TRIM71: variants seen among roughly 807,000 people sequenced by gnomAD.
TRIM71 encodes the protein tripartite motif containing 71, also known as E3 ubiquitin-protein ligase TRIM71.
A neutral mutation model predicts 61.2 loss-of-function variants in TRIM71; 9 were observed. The observed-to-expected ratio is 0.15, with a 90% CI of 0.09 to 0.26. The LOEUF (loss-of-function observed/expected upper bound fraction) is 0.26, where lower values mean the gene tolerates loss of function less well. Ranked by LOEUF, TRIM71 falls within the 10% of genes least tolerant of loss-of-function variation. TRIM71 has a pLI of 1.00. For missense variants in TRIM71, 998 were observed against 1,238.7 expected (o/e 0.81, Z 2.92); for synonymous variants, 645 against 553.2 (o/e 1.17, Z -2.33).
At position 32,877,544 on chromosome 3, in the gene TRIM71, T is replaced by C. The variant is rs374634300; in HGVS notation, c.1020+3559T>C. Among the ~76,000 whole-genome samples the C allele has an allele frequency of 8.0e-4, 121 of 152,138 alleles. 1 individual carries two copies. The highest frequency in any genetic ancestry group is 2.6e-3 in the African/African-American group (109 of 41,494). Reference sequence around the variant, plus strand: ...CTAATTTTTGTATTTTTTGTAGAGATGGGGCTCGCTTTGTTGTCTAGGCTG... The same window carrying C: ...CTAATTTTTGTATTTTTTGTAGAGACGGGGCTCGCTTTGTTGTCTAGGCTG... On this transcript the variant is annotated intron_variant, in intron 2 of 3. Transcript: ENST00000383763.
chr3:32,863,788 T>C (rs1696700560), intron 1 of TRIM71, among the ~76,000 whole-genome samples: 1 of 151,852 alleles, frequency 6.6e-6, no homozygotes, highest in Non-Finnish European at 1.5e-5. Context: ...TTCAAGCAAT[T>C]CTCCTGCCTC....
At chr3:32,840,832 G>C (rs978358262) in intron 1 of TRIM71, among the ~76,000 whole-genome samples, 1 of 152,192 alleles carries the variant, frequency 6.6e-6, no homozygotes, top group Non-Finnish European at 1.5e-5. Context: ...GCTCAGCTGG[G>C]GGTGCAAGGG....
intron 1 of TRIM71, among the ~76,000 whole-genome samples, chr3:32,833,634 T>TTTTATTTA (rs572371235): frequency 0.05 from 7,387 of 146,744 alleles, 231 homozygotes; most frequent in East Asian, 0.1. Flanking sequence ...GAGAATGCTT[T>TTTTATTTA]TTTATTTATT....
chr3:32,824,792 C>G (rs6771050), intron 1 of TRIM71, among the ~76,000 whole-genome samples: 59,127 of 151,876 alleles, frequency 0.39, 13,522 homozygotes, highest in East Asian at 0.6. Context: ...CTAGATAGTC[C>G]TTTTCTTTTC....
intron 2 of TRIM71, among the ~76,000 whole-genome samples, chr3:32,879,586 G>T (rs998441005): frequency 6.6e-6 from 1 of 151,596 alleles, no homozygotes; most frequent in Non-Finnish European, 1.5e-5. Flanking sequence ...AATTATCAAA[G>T]TGTGACACAG....
intron 1 of TRIM71, among the ~76,000 whole-genome samples, chr3:32,869,790 A>C (rs1334705823): frequency 6.6e-6 from 1 of 152,102 alleles, no homozygotes; most frequent in Non-Finnish European, 1.5e-5. Context: ...GACGTTCTGG[A>C]AGCTGGGGGC....
At chr3:32,865,702 CAAGT>C (rs1696725273) in intron 1 of TRIM71, among the ~76,000 whole-genome samples, 1 of 148,876 alleles carries the variant, frequency 6.7e-6, no homozygotes, top group Non-Finnish European at 1.5e-5. Context: ...ATCAAGTCAG[CAAGT>C]AAGCCCAGCC....
chr3:32,850,652 A>G (rs1419260348), intron 1 of TRIM71, among the ~76,000 whole-genome samples: 1 of 152,264 alleles, frequency 6.6e-6, no homozygotes, highest in Non-Finnish European at 1.5e-5. Flanking sequence ...CCTTTAAGGA[A>G]GACTAGCTTG....
At chr3:32,861,716 G>A (rs931434139) in intron 1 of TRIM71, among the ~76,000 whole-genome samples, 23 of 152,162 alleles carry the variant, frequency 1.5e-4, no homozygotes, top group Non-Finnish European at 2.9e-4. Context: ...AATGTCGGGG[G>A]GAAGATGAGG....
chr3:32,835,217 G>GT (rs1366242851), intron 1 of TRIM71, among the ~76,000 whole-genome samples: 1 of 152,334 alleles, frequency 6.6e-6, no homozygotes, highest in East Asian at 1.9e-4. Context: ...ACAAATCACA[G>GT]TTTTTGCATG....
intron 2 of TRIM71, among the ~76,000 whole-genome samples, chr3:32,878,673 A>G (rs1696875677): frequency 6.6e-6 from 1 of 152,262 alleles, no homozygotes; most frequent in Non-Finnish European, 1.5e-5. Context: ...CCATGCTACA[A>G]ACAGACATGC....
At position 32,818,911 on chromosome 3, in the gene TRIM71, C is replaced by A. The variant is rs1215973067; in HGVS notation, c.831C>A (p.Phe277Leu). 1 of 1,612,634 alleles carries A rather than the reference C, an allele frequency of 6.2e-7. No homozygotes were observed. Among genetic ancestry groups the A allele is most frequent in the Non-Finnish European group, 8.5e-7 (1 of 1,179,860 alleles). The change falls in exon 1 of 4, where the codon TTC becomes TTA. Residue 277 changes from phenylalanine to leucine, a missense_variant. By Grantham distance (22) the Phe-to-Leu change is conservative. Around this residue, in one of 5 missense-constraint regions of TRIM71, gnomAD observed 291 missense variants for 431.2 expected, o/e 0.67. Transcript: ENST00000383763. Reference sequence around the variant, plus strand: ...CAGTGTTTCCCGAGCGCCTCGGCTTCTGCCAGCACCACGACGACGAGGTGA... The same window carrying A: ...CAGTGTTTCCCGAGCGCCTCGGCTTATGCCAGCACCACGACGACGAGGTGA... Reference protein sequence around the residue: ...ILSVFPERLGFCQHHDDEVLH... With the variant: ...ILSVFPERLGLCQHHDDEVLH...
intron 2 of TRIM71, among the ~76,000 whole-genome samples, chr3:32,882,837 C>T (rs894681403): frequency 7.9e-5 from 12 of 152,108 alleles, no homozygotes; most frequent in Non-Finnish European, 1.5e-4. Context: ...CCACCGTACC[C>T]GGCCCCAATT....
chr3:32,829,351 A>G (rs920278838), intron 1 of TRIM71, among the ~76,000 whole-genome samples: 2 of 151,674 alleles, frequency 1.3e-5, no homozygotes, highest in Admixed American at 6.6e-5. Flanking sequence ...CACCCAACTA[A>G]TTTTGTATTT....
In TRIM71 at chr3:32,894,817, C is replaced by T. The variant is rs904610517; in HGVS notation, c.*3006C>T. The T allele has an allele frequency of 1.3e-5, 2 of 152,158 alleles. No homozygotes were observed. Among genetic ancestry groups the T allele is most frequent in the Non-Finnish European group, 2.9e-5 (2 of 68,024 alleles). The allele number at this position is 152,158 out of a possible 1,614,324, so 9.4% of individuals were successfully genotyped here. ...CTGTGTTTAAATGCATAATCTCCTG[C>T]CCGGGTAATGCCAGGTAGCCAGGAG... is the stretch of plus-strand genomic sequence containing the variant. On this transcript the variant is annotated 3_prime_UTR_variant, in exon 4 of 4. Coordinates refer to ENST00000383763, the MANE Select transcript of TRIM71 (RefSeq NM_001039111.3).
At chr3:32,844,820 A>C (rs755049682) in intron 1 of TRIM71, among the ~76,000 whole-genome samples, 2 of 152,186 alleles carry the variant, frequency 1.3e-5, no homozygotes, top group Non-Finnish European at 2.9e-5. Context: ...CCCTCCTCTG[A>C]GCCACCTTGA....
chr3:32,860,479 C>G (rs1696655155), intron 1 of TRIM71, among the ~76,000 whole-genome samples: 1 of 152,014 alleles, frequency 6.6e-6, no homozygotes, highest in South Asian at 2.1e-4. Flanking sequence ...TTTAAAAAGG[C>G]CTTTAAATTT....
chr3:32,896,210 A>C lies in TRIM71; in HGVS notation c.*4399A>C, dbSNP rs915045394. 6.6e-6 allele frequency: 1 copy of C among 152,218 alleles called. No homozygotes were observed. The highest frequency in any genetic ancestry group is 1.5e-5 in the Non-Finnish European group (1 of 68,034). 9.4% of individuals were successfully genotyped at this position (152,218 alleles called of 1,614,324 possible). A position where few individuals can be genotyped will look rare whatever the true frequency, so the allele number is the denominator to read the frequency against. Reference sequence around the variant, plus strand: ...TCTGTATTTCGAATGTCTGCAAATAATACCCTTTAGGAGCAATTCTAAAGG... The same window carrying C: ...TCTGTATTTCGAATGTCTGCAAATACTACCCTTTAGGAGCAATTCTAAAGG... On this transcript the variant is annotated 3_prime_UTR_variant, in exon 4 of 4. Coordinates refer to ENST00000383763, the MANE Select transcript of TRIM71 (RefSeq NM_001039111.3).
intron 3 of TRIM71, among the ~76,000 whole-genome samples, chr3:32,886,872 A>G (rs1202205015): frequency 1.8e-4 from 28 of 152,106 alleles, no homozygotes; most frequent in Non-Finnish European, 5.9e-5. Flanking sequence ...TTTGCATTGC[A>G]TTTTCCATTT....
Sources: allele counts gnomAD v4.1 joint callset (sites outside exome capture counted in the v4.1 genomes callset), GRCh38; gene constraint gnomAD v4.1.1; regional missense constraint gnomAD v4.1.1; transcripts MANE v1.5; gene names NCBI Gene and HGNC (gene_info 2026-07-23, HGNC 2026-07-21).